Variants in TRDN observed in about 807,000 individuals in gnomAD.
TRDN encodes the protein triadin in skeletal muscle.
Under a neutral mutation model 149.7 loss-of-function variants are expected in TRDN, and 161 were observed. The ratio of observed to expected loss-of-function variants is 1.08; its 90% confidence interval spans 0.95 to 1.23. The LOEUF (loss-of-function observed/expected upper bound fraction) is 1.23. TRDN is among the 50% of genes most tolerant of loss of function. The pLI is 0.00. For synonymous variants in TRDN, 294 were observed against 250.5 expected (o/e 1.17, Z -1.64); for missense variants, 896 against 823.5 (o/e 1.09, Z -1.08).
intron 7 of TRDN, among the ~76,000 whole-genome samples, chr6:123,507,989 C>T (rs1294792722): frequency 6.2e-5 from 3 of 48,388 alleles, no homozygotes; most frequent in Non-Finnish European, 1.6e-4. Context: ...AGTTTCTTTG[C>T]GTTAAAAAAA....
intron 22 of TRDN, among the ~76,000 whole-genome samples, chr6:123,337,051 A>G (rs1053208147): frequency 1.3e-5 from 2 of 152,034 alleles, no homozygotes; most frequent in Non-Finnish European, 2.9e-5. Flanking sequence ...AGGAGATGGA[A>G]GTTACAAAAT....
At chr6:123,247,006 T>C (rs1367344639) in intron 38 of TRDN, among the ~76,000 whole-genome samples, 1 of 152,148 alleles carries the variant, frequency 6.6e-6, no homozygotes, top group Admixed American at 6.5e-5. Flanking sequence ...AAAAACCACA[T>C]GATTATCTCA....
intron 1 of TRDN, among the ~76,000 whole-genome samples, chr6:123,605,299 A>C (rs1784478635): frequency 6.7e-6 from 1 of 148,630 alleles, no homozygotes; most frequent in African/African-American, 2.4e-5. Flanking sequence ...ATAAACACAC[A>C]CATATATATA....
intron 12 of TRDN, among the ~76,000 whole-genome samples, chr6:123,436,448 C>T (rs1376528997): frequency 6.6e-6 from 1 of 152,106 alleles, no homozygotes; most frequent in Admixed American, 6.6e-5. Flanking sequence ...ATTTCATGGG[C>T]CACATAATCA....
At chr6:123,474,599 C>T (rs556725240) in intron 9 of TRDN, among the ~76,000 whole-genome samples, 95 of 152,230 alleles carry the variant, frequency 6.2e-4, no homozygotes, top group Admixed American at 2.7e-3. Context: ...AAGAACTCTC[C>T]ACCCCAAATC....
chr6:123,272,793 C>G (rs541124012), intron 29 of TRDN, among the ~76,000 whole-genome samples, 171 bp downstream of exon 29: 48 of 151,638 alleles, frequency 3.2e-4, no homozygotes, highest in Non-Finnish European at 1.6e-4. Flanking sequence ...GTTAAGTTCT[C>G]AGCACAAAAA....
At chr6:123,620,665 G>A (rs769977421) in intron 1 of TRDN, among the ~76,000 whole-genome samples, 18 of 151,972 alleles carry the variant, frequency 1.2e-4, no homozygotes, top group African/African-American at 1.5e-4. Context: ...ACCTCCTTCC[G>A]TTAAATTGAA....
chr6:123,248,280 G>C (rs185368199), intron 38 of TRDN, among the ~76,000 whole-genome samples: 1 of 152,262 alleles, frequency 6.6e-6, no homozygotes, highest in African/African-American at 2.4e-5. Flanking sequence ...GATCAAGCTG[G>C]GTACAGTGGC....
intron 12 of TRDN, among the ~76,000 whole-genome samples, chr6:123,419,176 C>T (rs886329057): frequency 5.3e-5 from 8 of 151,972 alleles, no homozygotes; most frequent in African/African-American, 1.9e-4. Context: ...GATCCCCGCA[C>T]TGTTAACCCC....
At chr6:123,458,389 T>C (rs536142953) in intron 10 of TRDN, among the ~76,000 whole-genome samples, 1 of 152,334 alleles carries the variant, frequency 6.6e-6, no homozygotes, top group African/African-American at 2.4e-5. Flanking sequence ...TAAAGCAGAT[T>C]ACCCTCTGTA....
chr6:123,256,074 T>C lies in TRDN; in HGVS notation c.1871-172A>G, dbSNP rs1776548187. Among the ~76,000 whole-genome samples the C allele has an allele frequency of 2.6e-5, 4 of 152,134 alleles. No homozygotes were observed. The South Asian group carries it at 8.3e-4, about 32-fold the overall frequency. On this transcript the variant is annotated intron_variant, in intron 35 of 40. Coordinates refer to ENST00000334268, the MANE Select transcript of TRDN (RefSeq NM_006073.4). ...CATCTACATTAGGTATTTTTCCTAA[T>C]GCTATCCCTCCCCTTAACCCCCACC...
intron 1 of TRDN, among the ~76,000 whole-genome samples, chr6:123,591,849 C>A (rs1354646039): frequency 6.6e-6 from 1 of 152,076 alleles, no homozygotes; most frequent in Non-Finnish European, 1.5e-5. Context: ...TTCAAAAGAG[C>A]AAGCAATTAG....
At chr6:123,381,128 C>T (rs1038568275) in intron 16 of TRDN, among the ~76,000 whole-genome samples, 1 of 151,960 alleles carries the variant, frequency 6.6e-6, no homozygotes. Flanking sequence ...ATTACAAGCC[C>T]GTCAAGAGTA....
At position 123,338,702 on chromosome 6, in the gene TRDN, C is replaced by T. The variant is rs543170116; in HGVS notation, c.1370-1033G>A. Among the ~76,000 whole-genome samples, 8 of 152,268 alleles carry T rather than the reference C, an allele frequency of 5.3e-5. No homozygotes were observed. In the East Asian group the frequency reaches 1.5e-3, roughly 29 times the overall value. ...CTACTGTATCCTCCTGAAGTCCTGA[C>T]CTACTAAATGATGAACAACATGAAA... On this transcript the variant is annotated intron_variant, in intron 21 of 40. Coordinates refer to ENST00000334268, the MANE Select transcript of TRDN (RefSeq NM_006073.4).
At position 123,260,577 on chromosome 6, in the gene TRDN, T is replaced by A. The variant is rs770370488; in HGVS notation, c.1831+35A>T. ...TAAATTTACATACTGTTTCCACAAC[T>A]GTATCTTATCTCCTCTGAAAAAGTA... is the stretch of plus-strand genomic sequence containing the variant. On this transcript the variant is annotated intron_variant, in intron 34 of 40. Transcript: ENST00000334268. The A allele has an allele frequency of 1.6e-5, 23 of 1,475,838 alleles. 1 individual carries two copies. The highest frequency in any genetic ancestry group is 9.6e-5 in the South Asian group (7 of 72,916). The allele number at this position is 1,475,838 out of a possible 1,614,324, so 91.4% of individuals were successfully genotyped here.
intron 38 of TRDN, among the ~76,000 whole-genome samples, chr6:123,227,780 C>T (rs900519749): frequency 6.6e-6 from 1 of 151,860 alleles, no homozygotes; most frequent in African/African-American, 2.4e-5. Flanking sequence ...TAAGATCTCA[C>T]TCTGTCACCC....
intron 1 of TRDN, among the ~76,000 whole-genome samples, chr6:123,613,528 T>A (rs1296448400): frequency 6.6e-6 from 1 of 152,180 alleles, no homozygotes; most frequent in African/African-American, 2.4e-5. Flanking sequence ...GTTGAAACTT[T>A]TTTTTTAAAT....
chr6:123,572,072 G>T (rs1240571803), intron 1 of TRDN, among the ~76,000 whole-genome samples: 1 of 152,030 alleles, frequency 6.6e-6, no homozygotes, highest in Non-Finnish European at 1.5e-5. Context: ...TTTAAAAATT[G>T]TGCATGCCAG....
chr6:123,513,528 CAGAG>C (rs2114862704), intron 6 of TRDN, among the ~76,000 whole-genome samples: 1 of 151,984 alleles, frequency 6.6e-6, no homozygotes, highest in Non-Finnish European at 1.5e-5. Flanking sequence ...TCAGAATACA[CAGAG>C]CCTAGTGCTA....
Sources: gnomAD v4.1 joint callset for allele counts (sites outside exome capture counted in the v4.1 genomes callset) on GRCh38, gnomAD v4.1.1 for gene constraint, MANE v1.5 for transcripts, NCBI Gene and HGNC (gene_info 2026-07-23, HGNC 2026-07-21) for gene names.